Variants in FOXP1 observed in about 807,000 individuals in gnomAD.
The protein encoded by FOXP1 is forkhead box P1.
FOXP1 carries 15 observed loss-of-function variants against 98.2 expected under a neutral mutation model. That is an observed-to-expected ratio of 0.15 (90% CI 0.10 to 0.24). The LOEUF (loss-of-function observed/expected upper bound fraction) is 0.24. FOXP1 is among the 10% of genes least tolerant of loss of function. The probability of loss-of-function intolerance (pLI) is 1.00; values close to 1 mark genes in which losing one functional copy is unlikely to be tolerated. For missense variants in FOXP1, 633 were observed against 848.5 expected, an observed-to-expected ratio of 0.75 and a Z score of 3.15; for synonymous variants, 371 against 314.5, an observed-to-expected ratio of 1.18 and a Z score of -1.90.
intron 5 of FOXP1, among the ~76,000 whole-genome samples, chr3:71,271,929 T>C (rs1455629896): frequency 1.3e-5 from 2 of 152,230 alleles, no homozygotes; most frequent in African/African-American, 4.8e-5. Context: ...GGACAAGACC[T>C]ACTATGTGTA....
intron 3 of FOXP1, among the ~76,000 whole-genome samples, chr3:71,489,341 C>T (rs2090898233): frequency 6.6e-6 from 1 of 152,184 alleles, no homozygotes; most frequent in Non-Finnish European, 1.5e-5. Flanking sequence ...TAACACATAA[C>T]AATGAATGTT....
chr3:71,480,059 G>C (rs1263385369), intron 3 of FOXP1, among the ~76,000 whole-genome samples: 1 of 152,182 alleles, frequency 6.6e-6, no homozygotes, highest in Non-Finnish European at 1.5e-5. Context: ...AGCTGGGCGT[G>C]GTGCCACGCA....
chr3:71,421,324 C>T (rs1376840400), intron 3 of FOXP1, among the ~76,000 whole-genome samples: 1 of 152,132 alleles, frequency 6.6e-6, no homozygotes, highest in East Asian at 1.9e-4. Context: ...TTTAGCTAGG[C>T]GATGTCATCC....
At chr3:71,561,407 CAAA>C (rs56792827) in intron 2 of FOXP1, among the ~76,000 whole-genome samples, 4 of 40,302 alleles carry the variant, frequency 9.9e-5, no homozygotes, top group African/African-American at 1.8e-4. Context: ...TAAAGCTGGC[CAAA>C]AAAAAAAAAA....
chr3:71,271,933 ATG>A (rs2070397788), intron 5 of FOXP1, among the ~76,000 whole-genome samples: 2 of 152,212 alleles, frequency 1.3e-5, no homozygotes. Flanking sequence ...AAGACCTACT[ATG>A]TGTAAAATAT....
chr3:70,985,440 C>A (rs1028838979), intron 14 of FOXP1, among the ~76,000 whole-genome samples: 2 of 151,882 alleles, frequency 1.3e-5, no homozygotes, highest in Non-Finnish European at 2.9e-5. Flanking sequence ...ACACGTCTAC[C>A]TTTTATAATT....
chr3:71,295,190 G>T (rs553407229), intron 5 of FOXP1, among the ~76,000 whole-genome samples: 8 of 152,204 alleles, frequency 5.3e-5, no homozygotes, highest in African/African-American at 1.9e-4. Flanking sequence ...ACTCAGTAAC[G>T]ACTGCTTCCA....
At chr3:71,091,419 G>A (rs1478675261) in intron 7 of FOXP1, among the ~76,000 whole-genome samples, 2 of 152,092 alleles carry the variant, frequency 1.3e-5, no homozygotes, top group East Asian at 3.9e-4. Context: ...GAACCCGGGA[G>A]GCGGAGGTTG....
chr3:71,280,126 CAAAAAAAAA>C (rs56674677), intron 5 of FOXP1, among the ~76,000 whole-genome samples: 32,938 of 107,038 alleles, frequency 0.31, 2,777 homozygotes, highest in African/African-American at 0.32. Context: ...CTGTCTCAAA[CAAAAAAAAA>C]AAAAAAAAAA....
At chr3:71,342,167 C>T (rs1402868382) in intron 4 of FOXP1, among the ~76,000 whole-genome samples, 3 of 152,212 alleles carry the variant, frequency 2.0e-5, no homozygotes, top group Non-Finnish European at 2.9e-5. Flanking sequence ...TCCATGTACA[C>T]ATCAGGAATT....
chr3:71,046,505 C>T (rs1412632839), intron 10 of FOXP1, among the ~76,000 whole-genome samples: 4 of 151,900 alleles, frequency 2.6e-5, no homozygotes. Flanking sequence ...TGAATTTATC[C>T]CTAGATATTA....
chr3:71,168,917 C>T (rs1211103204), intron 6 of FOXP1, among the ~76,000 whole-genome samples: 2 of 152,072 alleles, frequency 1.3e-5, no homozygotes, highest in African/African-American at 4.8e-5. Context: ...GGTAACTTTG[C>T]GATTTAATTA....
chr3:71,307,130 C>G (rs1032913692), intron 4 of FOXP1, among the ~76,000 whole-genome samples: 1 of 152,162 alleles, frequency 6.6e-6, no homozygotes, highest in Non-Finnish European at 1.5e-5. Context: ...CTACTACTTA[C>G]TAATGCCCTA....
intron 2 of FOXP1, among the ~76,000 whole-genome samples, chr3:71,561,326 G>C (rs552090164): frequency 6.7e-6 from 1 of 148,442 alleles, no homozygotes; most frequent in Admixed American, 6.8e-5. Flanking sequence ...GATTATAGGC[G>C]TGAACTACCA....
At chr3:71,562,884 T>C (rs182397240) in intron 2 of FOXP1, among the ~76,000 whole-genome samples, 2 of 152,352 alleles carry the variant, frequency 1.3e-5, no homozygotes, top group Non-Finnish European at 2.9e-5. Context: ...CCTGGGCCCA[T>C]TCCTTTGTCT....
intron 4 of FOXP1, among the ~76,000 whole-genome samples, chr3:71,309,309 TTCTC>T (rs1357946128): frequency 1.3e-5 from 2 of 152,116 alleles, no homozygotes; most frequent in Non-Finnish European, 2.9e-5. Flanking sequence ...GAAAAGCTGA[TTCTC>T]TCAACTATTT....
chr3:71,574,231 C>CAA (rs1342754583), intron 2 of FOXP1: 1 of 152,090 alleles, frequency 6.6e-6, no homozygotes, highest in Non-Finnish European at 1.5e-5. Flanking sequence ...AAACAATTGC[C>CAA]AACTTTTTGG....
chr3:71,174,243 G>C (rs1357519043), intron 6 of FOXP1, among the ~76,000 whole-genome samples: 1 of 152,090 alleles, frequency 6.6e-6, no homozygotes, highest in African/African-American at 2.4e-5. Context: ...TACTGTGGAG[G>C]GGGGAAAAAC....
chr3:71,271,524 C>A (rs1466526858), intron 5 of FOXP1, among the ~76,000 whole-genome samples: 1 of 152,134 alleles, frequency 6.6e-6, no homozygotes, highest in Non-Finnish European at 1.5e-5. Context: ...GACAGACATC[C>A]AAACACCTAT....
Sources: gnomAD v4.1 joint callset for allele counts (sites outside exome capture counted in the v4.1 genomes callset) on GRCh38, gnomAD v4.1.1 for gene constraint, MANE v1.5 for transcripts, NCBI Gene and HGNC (gene_info 2026-07-23, HGNC 2026-07-21) for gene names.